Variants in PARD3B observed in about 807,000 individuals in gnomAD.
The protein encoded by PARD3B is partitioning defective 3 homolog B.
In PARD3B, 103 loss-of-function variants were observed where a neutral mutation model predicts 130.2. The ratio of observed to expected loss-of-function variants is 0.79; its 90% CI spans 0.67 to 0.93. PARD3B has a LOEUF of 0.93. Ranked by LOEUF, PARD3B falls within the 40% of genes least tolerant of loss-of-function variation. The pLI, the probability that PARD3B is intolerant of heterozygous loss-of-function variation, is 0.00. For missense variants in PARD3B, 1,609 were observed against 1,499.2 expected (o/e 1.07, Z -1.21); for synonymous variants, 583 against 553.2 (o/e 1.05, Z -0.76).
intron 5 of PARD3B, among the ~76,000 whole-genome samples, chr2:205,109,341 A>G (rs777951347): frequency 2.6e-5 from 4 of 152,212 alleles, no homozygotes; most frequent in African/African-American, 7.2e-5. Context: ...GCTAACACTC[A>G]GCCATGTGCT....
intron 21 of PARD3B, among the ~76,000 whole-genome samples, chr2:205,519,382 G>T (rs1316859627): frequency 6.6e-6 from 1 of 152,158 alleles, no homozygotes; most frequent in African/African-American, 2.4e-5. Flanking sequence ...TAATACTTGT[G>T]ATTGCATTGT....
chr2:204,713,920 A>G (rs1278903031), intron 2 of PARD3B, among the ~76,000 whole-genome samples: 1 of 152,178 alleles, frequency 6.6e-6, no homozygotes, highest in African/African-American at 2.4e-5. Flanking sequence ...GGAAAGGTCT[A>G]GATGGTAGTT....
chr2:205,529,837 A>G (rs2051508750), intron 21 of PARD3B, among the ~76,000 whole-genome samples: 2 of 152,164 alleles, frequency 1.3e-5, no homozygotes, highest in East Asian at 3.9e-4. Flanking sequence ...TAGAGAACAG[A>G]TGCATACAGT....
At chr2:204,705,836 G>C (rs1322912312) in intron 2 of PARD3B, among the ~76,000 whole-genome samples, 3 of 152,128 alleles carry the variant, frequency 2.0e-5, no homozygotes, top group African/African-American at 7.2e-5. Flanking sequence ...CGCTAGCCAA[G>C]TGCATTATAA....
chr2:204,835,818 T>A (rs2044010636), intron 2 of PARD3B, among the ~76,000 whole-genome samples: 3 of 152,250 alleles, frequency 2.0e-5, no homozygotes. Context: ...AGGTTTTGTG[T>A]TAAATGATTG....
intron 2 of PARD3B, among the ~76,000 whole-genome samples, chr2:204,931,783 A>G (rs1370118398): frequency 1.3e-5 from 2 of 151,998 alleles, no homozygotes; most frequent in African/African-American, 4.8e-5. Context: ...TTAAATCCAA[A>G]CTAAGAGTGG....
intron 18 of PARD3B, among the ~76,000 whole-genome samples, chr2:205,304,635 C>CA (rs34125638): frequency 0.64 from 85,979 of 133,758 alleles, 28,681 homozygotes; most frequent in South Asian, 0.78. Flanking sequence ...AACTCCATCT[C>CA]AAAAAAAAAA....
intron 1 of PARD3B, among the ~76,000 whole-genome samples, chr2:204,611,366 C>A (rs1476999874): frequency 6.6e-6 from 1 of 152,156 alleles, no homozygotes; most frequent in Admixed American, 6.5e-5. Context: ...TGGGGAAACC[C>A]TTGTCATGAA....
chr2:204,789,922 G>C (rs2042142454), intron 2 of PARD3B, among the ~76,000 whole-genome samples: 1 of 150,392 alleles, frequency 6.6e-6, no homozygotes, highest in South Asian at 2.1e-4. Flanking sequence ...CCAGGCTGGA[G>C]TGCAGTGGCG....
At chr2:204,566,261 C>T (rs2031663977) in intron 1 of PARD3B, among the ~76,000 whole-genome samples, 1 of 152,198 alleles carries the variant, frequency 6.6e-6, no homozygotes, top group East Asian at 1.9e-4. Context: ...ATTTGTAAGG[C>T]AAAGGTACAG....
chr2:205,108,171 A>G (rs1390295571), intron 5 of PARD3B, among the ~76,000 whole-genome samples: 4 of 151,892 alleles, frequency 2.6e-5, no homozygotes, highest in Non-Finnish European at 5.9e-5. Flanking sequence ...AGCCTCTGTT[A>G]CTCTATTAGT....
intron 2 of PARD3B, among the ~76,000 whole-genome samples, chr2:204,796,005 CT>C (rs2042362225): frequency 6.6e-6 from 1 of 152,070 alleles, no homozygotes; most frequent in Non-Finnish European, 1.5e-5. Flanking sequence ...TGTTTTTTCT[CT>C]TTTGCATATA....
At chr2:204,997,039 T>C (rs1040332723) in intron 3 of PARD3B, among the ~76,000 whole-genome samples, 1 of 152,198 alleles carries the variant, frequency 6.6e-6, no homozygotes, top group Non-Finnish European at 1.5e-5. Flanking sequence ...ATCACCCGTC[T>C]TCTGCGTCGC....
rs2036655497 is a variant in PARD3B, at chr2:204,678,389, T to C, written c.121-7792T>C. ...CTCAGTGGAGAGTCAGGGTGACATA[T>C]ACCCTGCCCTCTTGGTACCCGGGTT... On this transcript the variant is annotated intron_variant, in intron 1 of 22. Transcript: ENST00000406610. The surrounding 1 kb of genome is among the most constrained non-coding windows in gnomAD (Gnocchi z 4.2). Among the ~76,000 whole-genome samples, 2 of 152,134 alleles carry C rather than the reference T, an allele frequency of 1.3e-5. No individual in the cohort carries two copies. Among genetic ancestry groups the C allele is most frequent in the Admixed American group, 1.3e-4 (2 of 15,276 alleles).
At chr2:204,870,792 T>C (rs903810164) in intron 2 of PARD3B, among the ~76,000 whole-genome samples, 2 of 152,172 alleles carry the variant, frequency 1.3e-5, no homozygotes, top group Non-Finnish European at 2.9e-5. Context: ...CTTTGTGTCT[T>C]TTGAATATTT....
chr2:204,552,320 A>C (rs2030522605), intron 1 of PARD3B, among the ~76,000 whole-genome samples: 1 of 152,088 alleles, frequency 6.6e-6, no homozygotes. Flanking sequence ...GCTGGGTTTG[A>C]GAGTAAGCCC....
At position 204,749,048 on chromosome 2, in the gene PARD3B, T is replaced by C. The variant is rs79277699; in HGVS notation, c.222+62766T>C. Among the ~76,000 whole-genome samples, 10 of 152,276 alleles carry C rather than the reference T, an allele frequency of 6.6e-5. 1 individual carries two copies. The highest frequency in any genetic ancestry group is 2.2e-4 in the African/African-American group (9 of 41,580). On this transcript the variant is annotated intron_variant, in intron 2 of 22. Coordinates refer to ENST00000406610, the MANE Select transcript of PARD3B (RefSeq NM_001302769.2). ...TTTTATATAACCTGTCTCAAATTCA[T>C]AATTAATTGAAATTGTAAAGTTTTG... is the stretch of plus-strand genomic sequence containing the variant.
At chr2:205,168,625 C>T (rs2034967322) in intron 11 of PARD3B, among the ~76,000 whole-genome samples, 1 of 150,650 alleles carries the variant, frequency 6.6e-6, no homozygotes. Context: ...CATAGACGTG[C>T]ATGTATGGAT....
chr2:205,120,885 T>C (rs1382858660), intron 7 of PARD3B, among the ~76,000 whole-genome samples: 1 of 152,224 alleles, frequency 6.6e-6, no homozygotes, highest in Non-Finnish European at 1.5e-5. Context: ...TTGTTTGACC[T>C]GGGCACAGGG....
Sources: gnomAD v4.1 joint callset for allele counts (sites outside exome capture counted in the v4.1 genomes callset) on GRCh38, gnomAD v4.1.1 for gene constraint, Gnocchi (gnomAD v3.1) non-coding constraint, MANE v1.5 for transcripts, NCBI Gene and HGNC (gene_info 2026-07-23, HGNC 2026-07-21) for gene names.